Variants in RALGAPA1 observed in about 807,000 individuals in gnomAD.
The protein encoded by RALGAPA1 is ral GTPase-activating protein subunit alpha-1.
In RALGAPA1, 52 loss-of-function variants were observed where a neutral mutation model predicts 269.6. That is an observed-to-expected ratio of 0.19 (90% confidence interval 0.15 to 0.24). RALGAPA1 has a LOEUF of 0.24. Among genes scored for constraint, RALGAPA1 ranks in the 10% least tolerant of loss-of-function variants. The probability of loss-of-function intolerance (pLI) is 1.00; values close to 1 mark genes in which losing one functional copy is unlikely to be tolerated. For synonymous variants in RALGAPA1, 817 were observed against 1,008.3 expected (o/e 0.81, Z 3.60); for missense variants, 1,917 against 3,013.9 (o/e 0.64, Z 8.52).
At chr14:35,696,504 T>C (rs964911593) in intron 17 of RALGAPA1, among the ~76,000 whole-genome samples, 2 of 151,800 alleles carry the variant, frequency 1.3e-5, no homozygotes, top group South Asian at 2.1e-4. Flanking sequence ...ATGCAGGTAG[T>C]ATGGACAGTT....
At chr14:35,680,963 T>C (rs1051780575) in intron 21 of RALGAPA1, among the ~76,000 whole-genome samples, 1 of 152,198 alleles carries the variant, frequency 6.6e-6, no homozygotes, top group Non-Finnish European at 1.5e-5. Context: ...AGAGGCTTTT[T>C]CCTCTTGAAC....
At chr14:35,742,129 AT>A (rs2071612948) in intron 11 of RALGAPA1, among the ~76,000 whole-genome samples, 1 of 152,234 alleles carries the variant, frequency 6.6e-6, no homozygotes, top group Non-Finnish European at 1.5e-5. Flanking sequence ...TATCTAGACA[AT>A]GGCTTAAAGA....
At chr14:35,703,485 C>T (rs1225116331) in intron 16 of RALGAPA1, among the ~76,000 whole-genome samples, 1 of 152,098 alleles carries the variant, frequency 6.6e-6, no homozygotes. Context: ...GCCTCAAAAA[C>T]AAATTTAAAA....
intron 39 of RALGAPA1, among the ~76,000 whole-genome samples, chr14:35,553,995 C>T (rs2055285427): frequency 6.6e-6 from 1 of 152,110 alleles, no homozygotes; most frequent in African/African-American, 2.4e-5. Flanking sequence ...TTTTATCTCC[C>T]TTCTCTAGAC....
chr14:35,701,919 G>T (rs1326615574), intron 16 of RALGAPA1, among the ~76,000 whole-genome samples: 1 of 152,136 alleles, frequency 6.6e-6, no homozygotes, highest in Non-Finnish European at 1.5e-5. Context: ...AAAGTACTGA[G>T]ATTACATGAA....
At chr14:35,694,787 T>C (rs938916043) in intron 17 of RALGAPA1, among the ~76,000 whole-genome samples, 1 of 152,090 alleles carries the variant, frequency 6.6e-6, no homozygotes, top group Non-Finnish European at 1.5e-5. Context: ...TTTTAAAAAA[T>C]TAATGCAGGC....
rs2138931331 is a variant in RALGAPA1 at position 35,538,543 on chromosome 14, T to C, written c.*1171A>G. 6.5e-6 allele frequency: 1 copy of C among 152,728 alleles called. No homozygotes were observed. Among genetic ancestry groups the C allele is most frequent in the African/African-American group, 2.4e-5 (1 of 41,564 alleles). 9.5% of individuals were successfully genotyped at this position (152,728 alleles called of 1,614,324 possible). A position where few individuals can be genotyped will look rare whatever the true frequency, so the allele number is the denominator to read the frequency against. The stretch of plus-strand genomic sequence containing the variant: ...CTACATTTCCTCAGGAGATGCCCAT[T>C]CAAAACAAAATGTGAGCAGCTTATC... On this transcript the variant is annotated 3_prime_UTR_variant, in exon 42 of 42. Coordinates refer to ENST00000680220, the MANE Select transcript of RALGAPA1 (RefSeq NM_001346249.2).
intron 8 of RALGAPA1, among the ~76,000 whole-genome samples, chr14:35,751,601 T>A (rs552843890): frequency 6.6e-6 from 1 of 151,802 alleles, no homozygotes; most frequent in Non-Finnish European, 1.5e-5. Flanking sequence ...CTGGGCAACA[T>A]AGGGAGATCC....
In RALGAPA1 at chr14:35,684,971, C is replaced by T. The variant is rs753747036; in HGVS notation, c.4252G>A (p.Asp1418Asn). The part of the protein sequence containing the change: ...SDLISSDSHS[D>N]SFSAFQYDGR... ...TCATATTGGAAAGCGCTGAAAGAAT[C>T]CGAATGACTATCTGAGCTGATAAGA... The change falls in exon 20 of 42, where the codon GAT (aspartate) becomes AAT (asparagine). Residue 1418 changes from aspartate (D) to asparagine (N), a missense_variant. This residue lies in a region of RALGAPA1 where 615 missense variants were observed against 790.0 expected (regional missense o/e 0.78). Transcript: ENST00000680220. 6.2e-7 allele frequency: 1 copy of T among 1,613,422 alleles called. No homozygotes were observed. Among genetic ancestry groups the T allele is most frequent in the Admixed American group, 1.7e-5 (1 of 59,854 alleles).
At chr14:35,565,856 T>C (rs2056653815) in intron 39 of RALGAPA1, among the ~76,000 whole-genome samples, 1 of 152,150 alleles carries the variant, frequency 6.6e-6, no homozygotes. Flanking sequence ...AAAGAAATAA[T>C]TGCTTTAAAA....
At chr14:35,777,670 C>A (rs1211999838) in intron 1 of RALGAPA1, among the ~76,000 whole-genome samples, 1 of 152,122 alleles carries the variant, frequency 6.6e-6, no homozygotes, top group African/African-American at 2.4e-5. Context: ...TCAAGCGATT[C>A]TCCTGCCTCA....
At chr14:35,657,822 C>T (rs1018989504) in intron 28 of RALGAPA1, among the ~76,000 whole-genome samples, 1 of 151,848 alleles carries the variant, frequency 6.6e-6, no homozygotes, top group Non-Finnish European at 1.5e-5. Flanking sequence ...TCTGTCATAT[C>T]TAGATGACAG....
At chr14:35,797,874 T>C (rs2076694143) in intron 1 of RALGAPA1, among the ~76,000 whole-genome samples, 2 of 150,972 alleles carry the variant, frequency 1.3e-5, no homozygotes, top group South Asian at 4.2e-4. Context: ...AAAAGAGACT[T>C]TTTTTTTCTT....
intron 1 of RALGAPA1, among the ~76,000 whole-genome samples, chr14:35,794,463 T>A (rs1323554945): frequency 6.6e-6 from 1 of 152,144 alleles, no homozygotes; most frequent in Non-Finnish European, 1.5e-5. Context: ...TTTCTTTTTG[T>A]TTTTTTGTTT....
At position 35,611,267 on chromosome 14, in the gene RALGAPA1, G is replaced by A. The variant is rs149257856; in HGVS notation, c.6930-5558C>T. Among the ~76,000 whole-genome samples the A allele has an allele frequency of 9.4e-3, 1,428 of 152,134 alleles. 28 individuals carry two copies. Among genetic ancestry groups the A allele is most frequent in the African/African-American group, 0.033 (1,360 of 41,516 alleles). On this transcript the variant is annotated intron_variant, in intron 35 of 41. Transcript: ENST00000680220. ...TCCCAGCACTTAGGGAGGCCAAGGC[G>A]GGTGGATCATGAGGTCAAGAGATAG...
At chr14:35,673,393 A>T (rs114168312) in intron 24 of RALGAPA1, among the ~76,000 whole-genome samples, 1 of 151,992 alleles carries the variant, frequency 6.6e-6, no homozygotes, top group Non-Finnish European at 1.5e-5. Context: ...CTGTCTTTAC[A>T]AAAAAATAAA....
intron 35 of RALGAPA1, among the ~76,000 whole-genome samples, chr14:35,616,477 T>C (rs1203005019): frequency 6.6e-6 from 1 of 152,220 alleles, no homozygotes; most frequent in Non-Finnish European, 1.5e-5. Flanking sequence ...AATAGATTTT[T>C]AGAGCAGTGA....
intron 41 of RALGAPA1, among the ~76,000 whole-genome samples, chr14:35,539,904 G>A (rs918329864): frequency 3.3e-5 from 5 of 152,138 alleles, no homozygotes; most frequent in South Asian, 2.1e-4. Flanking sequence ...GCAAGAAAGC[G>A]CCAATCATCA....
At chr14:35,548,409 G>A in intron 41 of RALGAPA1, 99 bp downstream of exon 41, 1 of 816,514 alleles carries the variant, frequency 1.2e-6, no homozygotes, top group Non-Finnish European at 1.9e-6. Flanking sequence ...ACAGTGTTAA[G>A]TTTACTTATT....
Sources: allele counts gnomAD v4.1 joint callset (sites outside exome capture counted in the v4.1 genomes callset), GRCh38; gene constraint gnomAD v4.1.1; regional missense constraint gnomAD v4.1.1; transcripts MANE v1.5; gene names NCBI Gene and HGNC (gene_info 2026-07-23, HGNC 2026-07-21).